Variants in KCNQ5 observed in about 807,000 individuals in gnomAD.
The protein encoded by KCNQ5 is potassium voltage-gated channel subfamily Q member 5.
In KCNQ5, 30 loss-of-function variants were observed where a neutral mutation model predicts 98.2. The ratio of observed to expected loss-of-function variants is 0.31; its 90% CI spans 0.23 to 0.41. The LOEUF (loss-of-function observed/expected upper bound fraction) is 0.41, where lower values mean the gene tolerates loss of function less well. Among genes scored for constraint, KCNQ5 ranks in the 10% least tolerant of loss-of-function variants. KCNQ5 has a pLI of 1.00. For synonymous variants in KCNQ5, 458 were observed against 449.4 expected (o/e 1.02, Z -0.24); for missense variants, 835 against 1,182.5 (o/e 0.71, Z 4.31).
intron 1 of KCNQ5, among the ~76,000 whole-genome samples, chr6:72,851,891 TTA>T (rs1777274180): frequency 6.6e-6 from 1 of 152,152 alleles, no homozygotes; most frequent in Non-Finnish European, 1.5e-5. Flanking sequence ...AATAAATTTG[TTA>T]TATGTAGATT....
At position 73,031,063 on chromosome 6, in the gene KCNQ5, T is replaced by G. The variant is rs150506271; in HGVS notation, c.490-10873T>G. 2.8e-3 allele frequency among the ~76,000 whole-genome samples: 424 copies of G among 152,372 alleles called. 5 individuals carry two copies. Among genetic ancestry groups the G allele is most frequent in the African/African-American group, 1.0e-2 (415 of 41,588 alleles). On this transcript the variant is annotated intron_variant, in intron 2 of 13. Coordinates refer to ENST00000370398, the MANE Select transcript of KCNQ5 (RefSeq NM_019842.4). ...TCCAAGAACTAAGACATTTGGAGATTCTGCCTAAAATATGCTTAAATAAAA... is the reference window on the plus strand; with the variant it reads ...TCCAAGAACTAAGACATTTGGAGATGCTGCCTAAAATATGCTTAAATAAAA...
At chr6:72,742,995 C>CA (rs1476453023) in intron 1 of KCNQ5, among the ~76,000 whole-genome samples, 6 of 152,132 alleles carry the variant, frequency 3.9e-5, no homozygotes. Flanking sequence ...AACTGGAATA[C>CA]AAAACTCTCT....
At chr6:73,124,212 G>A (rs1252212386) in intron 8 of KCNQ5, among the ~76,000 whole-genome samples, 2 of 152,210 alleles carry the variant, frequency 1.3e-5, no homozygotes. Context: ...GCCATGGATA[G>A]CTTTGGCTAA....
At chr6:72,623,043 G>A (rs929638892) in intron 1 of KCNQ5, among the ~76,000 whole-genome samples, 1 of 152,030 alleles carries the variant, frequency 6.6e-6, no homozygotes, top group African/African-American at 2.4e-5. Flanking sequence ...AGGGGGCATC[G>A]AGGGCTAGGT....
At chr6:72,692,002 TGA>T (rs1046650644) in intron 1 of KCNQ5, among the ~76,000 whole-genome samples, 1 of 152,246 alleles carries the variant, frequency 6.6e-6, no homozygotes, top group Non-Finnish European at 1.5e-5. Flanking sequence ...GTTGGTTTAA[TGA>T]GAGAGTCTTC....
intron 1 of KCNQ5, among the ~76,000 whole-genome samples, chr6:72,759,574 T>C (rs1359969337): frequency 6.6e-6 from 1 of 152,120 alleles, no homozygotes; most frequent in Non-Finnish European, 1.5e-5. Flanking sequence ...GACTGTTTCC[T>C]TGTGAGTAGA....
intron 13 of KCNQ5, 27 bp downstream of exon 13, chr6:73,192,718 T>C: frequency 6.6e-7 from 1 of 1,516,548 alleles, no homozygotes; most frequent in Non-Finnish European, 8.8e-7. Context: ...CTGGGTATCT[T>C]TTTAGCCAGA....
At chr6:73,081,035 A>G (rs572987939) in intron 5 of KCNQ5, among the ~76,000 whole-genome samples, 31 of 152,360 alleles carry the variant, frequency 2.0e-4, no homozygotes, top group African/African-American at 6.7e-4. Context: ...CAAGTGCCCA[A>G]TCAAATATGA....
intron 1 of KCNQ5, among the ~76,000 whole-genome samples, chr6:72,810,315 A>G (rs913391958): frequency 6.6e-6 from 1 of 152,210 alleles, no homozygotes; most frequent in African/African-American, 2.4e-5. Context: ...TTACATGTTG[A>G]GTAAAGGAAT....
At chr6:73,129,926 C>A in intron 9 of KCNQ5, 1 of 1,132,902 alleles carries the variant, frequency 8.8e-7, no homozygotes, top group Non-Finnish European at 1.3e-6. Context: ...GTTACACCGC[C>A]ACCCCACCTG....
intron 1 of KCNQ5, among the ~76,000 whole-genome samples, chr6:72,652,365 A>G (rs1765920995): frequency 6.6e-6 from 1 of 151,846 alleles, no homozygotes; most frequent in South Asian, 2.1e-4. Flanking sequence ...ATTCCTCTGA[A>G]TCATTCTCTC....
intron 8 of KCNQ5, 149 bp downstream of exon 8, chr6:73,120,726 G>T (rs1288245853): frequency 4.6e-6 from 2 of 436,460 alleles, no homozygotes; most frequent in Non-Finnish European, 8.1e-6. Flanking sequence ...TTTAGTAGCA[G>T]TTCTGGCACA....
chr6:73,110,092 C>T (rs978746066), intron 6 of KCNQ5, among the ~76,000 whole-genome samples: 5 of 152,130 alleles, frequency 3.3e-5, no homozygotes, highest in Non-Finnish European at 7.4e-5. Flanking sequence ...CATCTTTGAA[C>T]CATCTTTGAG....
chr6:72,809,787 C>T (rs1775156214), intron 1 of KCNQ5, among the ~76,000 whole-genome samples: 2 of 152,140 alleles, frequency 1.3e-5, no homozygotes, highest in South Asian at 4.2e-4. Flanking sequence ...CTAATGCTTC[C>T]CTTTACTTTC....
chr6:73,010,324 A>G (rs1474200433), intron 2 of KCNQ5, among the ~76,000 whole-genome samples: 1 of 152,072 alleles, frequency 6.6e-6, no homozygotes, highest in Non-Finnish European at 1.5e-5. Context: ...ATTAAAATAT[A>G]TATATATACT....
intron 1 of KCNQ5, among the ~76,000 whole-genome samples, chr6:72,947,400 A>G (rs1043976001): frequency 6.6e-6 from 1 of 152,178 alleles, no homozygotes. Flanking sequence ...GTTTGGACTG[A>G]TAAACATAAC....
rs745448246 is a variant in KCNQ5, at chr6:73,111,291, T to C, written c.1030-17T>C. On this transcript the variant is annotated splice_polypyrimidine_tract_variant and intron_variant, in intron 6 of 13. Coordinates refer to ENST00000370398, the MANE Select transcript of KCNQ5 (RefSeq NM_019842.4). The stretch of plus-strand genomic sequence containing the variant: ...GCTTTTGAAATTTTTGAGTGCCATT[T>C]TTGTATTTTGTTCCAGGGCATTCTT... The C allele has an allele frequency of 1.2e-5, 19 of 1,587,776 alleles. No individual in the cohort carries two copies. The highest frequency in any genetic ancestry group is 3.3e-4 in the Middle Eastern group (2 of 6,002).
chr6:72,649,115 C>T (rs907157891), intron 1 of KCNQ5, among the ~76,000 whole-genome samples: 5 of 152,110 alleles, frequency 3.3e-5, no homozygotes, highest in African/African-American at 1.2e-4. Context: ...GTCCTGCTCG[C>T]AGATGTGCAA....
At chr6:73,172,781 A>C (rs952168249) in intron 11 of KCNQ5, among the ~76,000 whole-genome samples, 5 of 152,196 alleles carry the variant, frequency 3.3e-5, no homozygotes, top group Non-Finnish European at 7.3e-5. Flanking sequence ...TAGAATATTT[A>C]ATACGAATAT....
Sources: allele counts gnomAD v4.1 joint callset (sites outside exome capture counted in the v4.1 genomes callset), GRCh38; gene constraint gnomAD v4.1.1; transcripts MANE v1.5; gene names NCBI Gene and HGNC (gene_info 2026-07-23, HGNC 2026-07-21).